The following SMC6 variants were observed in gnomAD, a reference collection of about 807,000 sequenced individuals.
SMC6 encodes the protein structural maintenance of chromosomes 6, also known as structural maintenance of chromosomes protein 6.
In SMC6, 79 loss-of-function variants were observed where a neutral mutation model predicts 142.2. The ratio of observed to expected loss-of-function variants is 0.56; its 90% CI spans 0.46 to 0.67. The LOEUF (loss-of-function observed/expected upper bound fraction) is 0.67. SMC6 is among the 30% of genes least tolerant of loss of function. The probability of loss-of-function intolerance (pLI) is 0.00; values close to 1 mark genes in which losing one functional copy is unlikely to be tolerated. For synonymous variants in SMC6, 411 were observed against 412.4 expected (o/e 1.00, Z 0.04); for missense variants, 1,072 against 1,284.0 (o/e 0.83, Z 2.52).
At chr2:17,724,302 T>C (rs1260344622) in intron 9 of SMC6, among the ~76,000 whole-genome samples, 1 of 152,194 alleles carries the variant, frequency 6.6e-6, no homozygotes, top group African/African-American at 2.4e-5. Context: ...AAAATAAATA[T>C]ACTCATCCTT....
intron 2 of SMC6, 27 bp downstream of exon 2, chr2:17,752,951 T>C: frequency 1.1e-6 from 1 of 895,784 alleles, no homozygotes; most frequent in Non-Finnish European, 1.3e-6. Context: ...CACCAAATGA[T>C]TGCTCTAAGA....
At position 17,665,458 on chromosome 2, in the gene SMC6, C is replaced by G. The variant is rs1666451673; in HGVS notation, c.*41G>C. 1.3e-5 allele frequency: 19 copies of G among 1,423,238 alleles called. No individual in the cohort carries two copies. Among genetic ancestry groups the G allele is most frequent in the Non-Finnish European group, 1.8e-5 (19 of 1,041,942 alleles). 88.2% of individuals were successfully genotyped at this position (1,423,238 alleles called of 1,614,324 possible). On this transcript the variant is annotated 3_prime_UTR_variant, in exon 28 of 28. Transcript: ENST00000448223. The stretch of plus-strand genomic sequence containing the variant: ...GAGTCCAGAATTTTTTTTCCCTTCA[C>G]AAATCCTTCAACATCAGGACAAGGC...
intron 5 of SMC6, among the ~76,000 whole-genome samples, chr2:17,737,881 C>T (rs1670232967): frequency 6.6e-6 from 1 of 152,152 alleles, no homozygotes; most frequent in Non-Finnish European, 1.5e-5. Context: ...CTCACTGATG[C>T]TGGGTTTGGG....
At chr2:17,680,344 G>GT (rs2124835044) in intron 24 of SMC6, 1 of 152,080 alleles carries the variant, frequency 6.6e-6, no homozygotes, top group East Asian at 1.9e-4. Context: ...ACATTTTTTG[G>GT]TTTCCCACTG....
intron 23 of SMC6, 61 bp downstream of exon 23, chr2:17,695,089 ATT>A: frequency 6.3e-7 from 1 of 1,574,918 alleles, no homozygotes; most frequent in Non-Finnish European, 8.6e-7. Flanking sequence ...TATGTTTTTC[ATT>A]TTTTGTCTTG....
In SMC6 at chr2:17,695,318, A is replaced by G. The variant is rs775222818; in HGVS notation, c.2533-21T>C. On this transcript the variant is annotated intron_variant, in intron 22 of 27. Transcript: ENST00000448223. ...TTCTCCTAAGAAAGTAGATGTTTAT[A>G]TCTTTAAAACTCTTCTTTGATATAA... 6.8e-6 allele frequency: 11 copies of G among 1,605,946 alleles called. No homozygotes were observed. The Admixed American group carries it at 1.7e-4, about 25-fold the overall frequency.
rs1456122918 is a variant in SMC6 at position 17,695,168 on chromosome 2, G to A, written c.2662C>T (p.Arg888Ter). Residue 888 changes from arginine to a stop codon, truncating the protein, a stop_gained, in exon 23 of 28, where the codon CGA becomes TGA. Coordinates refer to ENST00000448223, the MANE Select transcript of SMC6 (RefSeq NM_001142286.2). LOFTEE classifies it high-confidence loss of function. ...IQAEHASHGDREEIMRQYQEA... is the reference protein window; with the variant it reads ...IQAEHASHGD ...GCTACTTACCTCATTATTTCCTCTC[G>A]ATCTCCATGACTAGCATGTTCTGCC... The A allele has an allele frequency of 3.7e-6, 6 of 1,612,944 alleles. No individual in the cohort carries two copies. Among genetic ancestry groups the A allele is most frequent in the Non-Finnish European group, 4.2e-6 (5 of 1,179,716 alleles).
intron 23 of SMC6, among the ~76,000 whole-genome samples, chr2:17,694,630 T>TA (rs1484629284): frequency 2.6e-5 from 4 of 152,176 alleles, no homozygotes; most frequent in Non-Finnish European, 4.4e-5. Flanking sequence ...ATGAGAAAAT[T>TA]AAAGTTCAGA....
intron 21 of SMC6, among the ~76,000 whole-genome samples, chr2:17,697,445 A>G (rs1324204261): frequency 6.6e-6 from 1 of 152,086 alleles, no homozygotes. Flanking sequence ...AACATTTACT[A>G]TACCATGAAA....
In SMC6 at chr2:17,726,372, AC is replaced by A; in HGVS notation, c.624+16del. On this transcript the variant is annotated intron_variant, in intron 8 of 27. Coordinates refer to ENST00000448223, the MANE Select transcript of SMC6 (RefSeq NM_001142286.2). ...ATTCTTTTTAAATGGGTTTATATTT[AC>A]TTTGGTGCCACTTACTTTGTATTTG... 6.3e-7 allele frequency: 1 copy of A among 1,590,288 alleles called. No homozygotes were observed.
At chr2:17,738,456 A>G (rs1158018153) in intron 4 of SMC6, 130 bp from the exon 5 acceptor site, 2 of 559,322 alleles carry the variant, frequency 3.6e-6, no homozygotes, top group East Asian at 6.4e-5. Flanking sequence ...TTCAACTCTA[A>G]TTTTCTTCCC....
At chr2:17,711,681 C>G (rs1010765414) in intron 16 of SMC6, among the ~76,000 whole-genome samples, 1 of 152,046 alleles carries the variant, frequency 6.6e-6, no homozygotes, top group African/African-American at 2.4e-5. Flanking sequence ...TGCAGTGGCA[C>G]GATCACAGCC....
At chr2:17,699,032 ATAT>A in intron 21 of SMC6, among the ~76,000 whole-genome samples, 1 of 152,198 alleles carries the variant, frequency 6.6e-6, no homozygotes, top group East Asian at 1.9e-4. Context: ...ATTATCTCAG[ATAT>A]TATAATTTTT....
intron 5 of SMC6, among the ~76,000 whole-genome samples, chr2:17,736,176 C>G (rs1670142361): frequency 6.6e-6 from 1 of 152,118 alleles, no homozygotes; most frequent in East Asian, 1.9e-4. Flanking sequence ...TGTGGAAAAA[C>G]TCTGCTTTTC....
intron 23 of SMC6, among the ~76,000 whole-genome samples, chr2:17,686,681 G>A (rs146103026): frequency 6.2e-4 from 95 of 152,174 alleles, no homozygotes; most frequent in African/African-American, 2.1e-3. Context: ...CAGCTGTGAT[G>A]TATCTTTTCT....
At chr2:17,739,927 C>G (rs1032230342) in intron 4 of SMC6, among the ~76,000 whole-genome samples, 5 of 136,516 alleles carry the variant, frequency 3.7e-5, no homozygotes, top group South Asian at 2.2e-4. Flanking sequence ...CACACACACA[C>G]AGAATATGGT....
At chr2:17,734,609 C>T (rs1467272555) in intron 5 of SMC6, among the ~76,000 whole-genome samples, 2 of 152,166 alleles carry the variant, frequency 1.3e-5, no homozygotes, top group Non-Finnish European at 2.9e-5. Flanking sequence ...TTATCAAACA[C>T]CTCTCTTGAT....
intron 24 of SMC6, among the ~76,000 whole-genome samples, chr2:17,683,136 T>A (rs1482734626): frequency 1.3e-5 from 2 of 152,158 alleles, no homozygotes; most frequent in African/African-American, 4.8e-5. Flanking sequence ...TATGTTAATA[T>A]CCAGTTTCCC....
At chr2:17,689,636 C>T (rs1411636976) in intron 23 of SMC6, among the ~76,000 whole-genome samples, 1 of 152,058 alleles carries the variant, frequency 6.6e-6, no homozygotes, top group Non-Finnish European at 1.5e-5. Flanking sequence ...TAGAGCTGTC[C>T]CTCAGTATCT....
Sources: allele counts gnomAD v4.1 joint callset (sites outside exome capture counted in the v4.1 genomes callset), GRCh38; gene constraint gnomAD v4.1.1; transcripts MANE v1.5; gene names NCBI Gene and HGNC (gene_info 2026-07-23, HGNC 2026-07-21).